The following MICAL3 variants were observed in gnomAD, a reference collection of about 807,000 sequenced individuals.
The protein encoded by MICAL3 is [F-actin]-monooxygenase MICAL3.
A neutral mutation model predicts 207.4 loss-of-function variants in MICAL3; 62 were observed. The ratio of observed to expected loss-of-function variants is 0.30; its 90% CI spans 0.24 to 0.37. The LOEUF (loss-of-function observed/expected upper bound fraction) is 0.37. Among genes scored for constraint, MICAL3 ranks in the 10% least tolerant of loss-of-function variants. The pLI is 1.00. For missense variants in MICAL3, 2,368 were observed against 2,635.6 expected (o/e 0.90, Z 2.22); for synonymous variants, 1,077 against 1,069.3 (o/e 1.01, Z -0.14).
intron 16 of MICAL3, among the ~76,000 whole-genome samples, chr22:17,877,315 GGGAGGTT>G (rs1928779114): frequency 4.0e-5 from 2 of 49,752 alleles, no homozygotes; most frequent in Admixed American, 1.9e-4. Flanking sequence ...ATGGAGGTTA[GGGAGGTT>G]AGGGAGGTTA....
At chr22:17,833,399 G>A (rs1003214572) in intron 20 of MICAL3, among the ~76,000 whole-genome samples, 3 of 152,206 alleles carry the variant, frequency 2.0e-5, no homozygotes, top group Non-Finnish European at 2.9e-5. Flanking sequence ...CATCAGGCAC[G>A]AGAGGGCATC....
intron 16 of MICAL3, among the ~76,000 whole-genome samples, chr22:17,882,294 G>A (rs1602139376): frequency 6.6e-6 from 1 of 152,206 alleles, no homozygotes; most frequent in African/African-American, 2.4e-5. Flanking sequence ...TCCATATGAT[G>A]ACCTAGGCTG....
chr22:17,925,575 G>A (rs907713615), intron 1 of MICAL3, among the ~76,000 whole-genome samples: 1 of 152,182 alleles, frequency 6.6e-6, no homozygotes, highest in South Asian at 2.1e-4. Context: ...CTCAGAGCAG[G>A]CAGAAAGCTG....
intron 1 of MICAL3, among the ~76,000 whole-genome samples, chr22:17,954,832 G>A (rs1242780596): frequency 6.6e-6 from 1 of 150,810 alleles, no homozygotes; most frequent in Admixed American, 6.6e-5. Context: ...CAGCAACCTC[G>A]CCCTCCCGGG....
In MICAL3 at chr22:17,796,619, C is replaced by T. The variant is rs2061879228; in HGVS notation, c.5651-5318G>A. Among the ~76,000 whole-genome samples, 1 of 152,264 alleles carries T rather than the reference C, an allele frequency of 6.6e-6. No homozygotes were observed. The highest frequency in any genetic ancestry group is 1.5e-5 in the Non-Finnish European group (1 of 68,044). ...AGGCAAATGTAACAAATGCTGGCGT[C>T]TCAGGCAGCTCAAGGAAGAGCAGTC... is the stretch of plus-strand genomic sequence containing the variant. On this transcript the variant is annotated intron_variant, in intron 29 of 31. Coordinates refer to ENST00000441493, the MANE Select transcript of MICAL3 (RefSeq NM_015241.3). This position sits in a 1 kb window ranked among gnomAD's most constrained non-coding sequence, Gnocchi z 4.4.
At chr22:17,821,343 A>G in intron 25 of MICAL3, 84 bp downstream of exon 25, 1 of 1,232,464 alleles carries the variant, frequency 8.1e-7, no homozygotes, top group Middle Eastern at 2.4e-4. Flanking sequence ...GACCCACACC[A>G]TGGGCCCTGA....
intron 1 of MICAL3, among the ~76,000 whole-genome samples, chr22:17,966,921 G>A (rs1020838930): frequency 7.2e-5 from 11 of 152,194 alleles, no homozygotes; most frequent in Admixed American, 5.9e-4. Flanking sequence ...AAGTAAGAGG[G>A]AATTCAAGAA....
At chr22:17,821,037 T>C (rs1437538057) in intron 25 of MICAL3, among the ~76,000 whole-genome samples, 1 of 149,544 alleles carries the variant, frequency 6.7e-6, no homozygotes, top group Non-Finnish European at 1.5e-5. Context: ...ATGTTTATTA[T>C]ACATTTATTA....
intron 28 of MICAL3, among the ~76,000 whole-genome samples, chr22:17,809,831 A>C (rs2062024728): frequency 6.6e-6 from 1 of 152,050 alleles, no homozygotes; most frequent in Admixed American, 6.5e-5. Context: ...GGTGACTTAC[A>C]ATGATTATTC....
At position 17,848,654 on chromosome 22, in the gene MICAL3, G is replaced by C. The variant is rs554771989; in HGVS notation, c.2606-6637C>G. ...GGGATGGGTCACTACCTGCCTCGGG[G>C]ACTTCACCACTCCTCTGGTCAAGCT... On this transcript the variant is annotated intron_variant, in intron 19 of 31. Transcript: ENST00000441493. Among the ~76,000 whole-genome samples the C allele has an allele frequency of 3.7e-4, 57 of 152,328 alleles. 1 individual carries two copies. The South Asian group carries it at 0.012, about 32-fold the overall frequency.
intron 1 of MICAL3, among the ~76,000 whole-genome samples, chr22:17,986,958 G>A (rs555196019): frequency 7.2e-5 from 11 of 152,118 alleles, no homozygotes; most frequent in East Asian, 3.9e-4. Context: ...AATCATTTTC[G>A]ACTGGCGTGG....
intron 29 of MICAL3, among the ~76,000 whole-genome samples, chr22:17,799,978 A>G (rs1196368292): frequency 3.5e-5 from 5 of 143,164 alleles, no homozygotes; most frequent in Admixed American, 2.7e-4. Context: ...ACACACACAC[A>G]CACACGCGTT....
At chr22:17,863,526 G>A in intron 19 of MICAL3, 1 of 985,422 alleles carries the variant, frequency 1.0e-6, no homozygotes, top group South Asian at 4.7e-5. Flanking sequence ...AGATCTTCAA[G>A]ATTGTAGAAG....
At chr22:17,851,955 C>G (rs1236273585) in intron 19 of MICAL3, among the ~76,000 whole-genome samples, 2 of 152,170 alleles carry the variant, frequency 1.3e-5, no homozygotes, top group Non-Finnish European at 2.9e-5. Context: ...TCAGCACGAG[C>G]AAGTCCAGGC....
At chr22:17,999,573 C>T (rs1223710639) in intron 1 of MICAL3, among the ~76,000 whole-genome samples, 3 of 152,108 alleles carry the variant, frequency 2.0e-5, no homozygotes, top group African/African-American at 7.3e-5. Flanking sequence ...AAGTTCTTCA[C>T]GTACATTATT....
intron 19 of MICAL3, chr22:17,864,242 G>C (rs1199270536): frequency 4.6e-5 from 47 of 1,030,020 alleles, no homozygotes; most frequent in Non-Finnish European, 5.5e-5. Flanking sequence ...CCAACACAAG[G>C]AAGTGGTCAT....
At chr22:17,805,746 G>T (rs556887684) in intron 29 of MICAL3, among the ~76,000 whole-genome samples, 1 of 152,270 alleles carries the variant, frequency 6.6e-6, no homozygotes, top group South Asian at 2.1e-4. Context: ...TTTTGTTTTT[G>T]AGACAGAGTT....
Position 17,932,076 on chromosome 22 carries a change from G to T in MICAL3, c.-74-25190C>A, listed in dbSNP as rs562491944. 4.6e-5 allele frequency among the ~76,000 whole-genome samples: 7 copies of T among 152,294 alleles called. No individual in the cohort carries two copies. In the East Asian group the frequency reaches 1.4e-3, roughly 29 times the overall value. On this transcript the variant is annotated intron_variant, in intron 1 of 31. Transcript: ENST00000441493. ...AGAAAGGATATGCACAGGTGATGGT[G>T]ACTTAGAATAGTAGGAGAGGCCCAA...
intron 29 of MICAL3, among the ~76,000 whole-genome samples, chr22:17,795,773 G>C (rs576739354): frequency 6.6e-6 from 1 of 152,166 alleles, no homozygotes; most frequent in African/African-American, 2.4e-5. Flanking sequence ...CACAACGGGC[G>C]AGGCTACTTT....
Sources: allele counts gnomAD v4.1 joint callset (sites outside exome capture counted in the v4.1 genomes callset), GRCh38; gene constraint gnomAD v4.1.1; non-coding constraint Gnocchi (gnomAD v3.1); transcripts MANE v1.5; gene names NCBI Gene and HGNC (gene_info 2026-07-23, HGNC 2026-07-21).